Variants in GRAMD2B observed in about 807,000 individuals in gnomAD.
The protein encoded by GRAMD2B is GRAM domain-containing protein 2B.
GRAMD2B carries 41 observed loss-of-function variants against 59.2 expected under a neutral mutation model. That is an observed-to-expected ratio of 0.69 (90% confidence interval 0.54 to 0.90). The LOEUF (loss-of-function observed/expected upper bound fraction) is 0.90, where lower values mean the gene tolerates loss of function less well. Ranked by LOEUF, GRAMD2B falls within the 40% of genes least tolerant of loss-of-function variation. GRAMD2B has a pLI of 0.00. For missense variants in GRAMD2B, 424 were observed against 500.5 expected (o/e 0.85, Z 1.46); for synonymous variants, 161 against 182.7 (o/e 0.88, Z 0.96).
chr5:126,419,135 C>G (rs1436730627), upstream of GRAMD2B, among the ~76,000 whole-genome samples: 2 of 152,144 alleles, frequency 1.3e-5, no homozygotes, highest in Non-Finnish European at 2.9e-5. Context: ...TTAGTCGATT[C>G]TCACACTGCT....
At chr5:126,416,839 G>A (rs1759305391) in intron 1 of GRAMD2B, among the ~76,000 whole-genome samples, 1 of 152,094 alleles carries the variant, frequency 6.6e-6, no homozygotes, top group Non-Finnish European at 1.5e-5. Context: ...AAGCCTCCCT[G>A]ATCATCCCCT....
chr5:126,492,593 C>T (rs994257177), intron 13 of GRAMD2B, among the ~76,000 whole-genome samples: 1 of 152,010 alleles, frequency 6.6e-6, no homozygotes, highest in African/African-American at 2.4e-5. Flanking sequence ...TGATGGTGCA[C>T]GCCTGAAGTC....
chr5:126,395,898 C>A (rs753251717), intron 1 of GRAMD2B, among the ~76,000 whole-genome samples: 2 of 152,146 alleles, frequency 1.3e-5, no homozygotes, highest in Non-Finnish European at 2.9e-5. Context: ...GAAATGATTA[C>A]CACAATTGAG....
At chr5:126,465,720 C>T (rs886781100) in intron 2 of GRAMD2B, among the ~76,000 whole-genome samples, 175 bp downstream of exon 2, 1 of 152,172 alleles carries the variant, frequency 6.6e-6, no homozygotes, top group African/African-American at 2.4e-5. Context: ...TTTTCTCCCT[C>T]CTGCCCCAGC....
chr5:126,466,225 C>G (rs1768357333), intron 2 of GRAMD2B: 1 of 1,544,222 alleles, frequency 6.5e-7, no homozygotes, highest in Admixed American at 2.0e-5. Flanking sequence ...GAACTGCTAC[C>G]TTCTACTTCT....
chr5:126,381,927 G>T (rs1380569390), intron 1 of GRAMD2B, among the ~76,000 whole-genome samples: 1 of 152,086 alleles, frequency 6.6e-6, no homozygotes, highest in Non-Finnish European at 1.5e-5. Flanking sequence ...GTCTGAAAAA[G>T]TCTTTATCTT....
At position 126,477,721 on chromosome 5, in the gene GRAMD2B, A is replaced by T; in HGVS notation, c.516A>T (p.Leu172=). 1 of 1,610,390 alleles carries T rather than the reference A, an allele frequency of 6.2e-7. No individual in the cohort carries two copies. Among genetic ancestry groups the T allele is most frequent in the Non-Finnish European group, 8.5e-7 (1 of 1,176,654 alleles). Residue 172 remains leucine, a synonymous_variant, in exon 6 of 14, where the codon CTA becomes CTT. Coordinates refer to ENST00000285689, the MANE Select transcript of GRAMD2B (RefSeq NM_023927.4). Reference sequence around the variant, plus strand: ...CTATTCCAGCTTTCTCGGTAACCCTAATAAAGAAAACCAAAACTGCTCTTC... The same window carrying T: ...CTATTCCAGCTTTCTCGGTAACCCTTATAAAGAAAACCAAAACTGCTCTTC... The part of the protein sequence containing the change: ...KISIPAFSVT[L]IKKTKTALLV...
intron 1 of GRAMD2B, among the ~76,000 whole-genome samples, chr5:126,393,876 T>C (rs578143914): frequency 6.6e-6 from 1 of 152,120 alleles, no homozygotes; most frequent in Non-Finnish European, 1.5e-5. Context: ...AGGCCTTCCA[T>C]GAACCATCCT....
chr5:126,462,637 G>A (rs1399403476), intron 1 of GRAMD2B, among the ~76,000 whole-genome samples: 2 of 152,164 alleles, frequency 1.3e-5, no homozygotes, highest in East Asian at 3.9e-4. Flanking sequence ...GCTGAGTGCT[G>A]TGGAAAAAAA....
At chr5:126,492,225 G>A (rs530725198) in intron 13 of GRAMD2B, among the ~76,000 whole-genome samples, 1 of 150,860 alleles carries the variant, frequency 6.6e-6, no homozygotes, top group Admixed American at 6.6e-5. Context: ...ACATTATTAT[G>A]TGGGATTTTT....
At chr5:126,438,533 C>T (rs1762778547) in intron 1 of GRAMD2B, among the ~76,000 whole-genome samples, 1 of 152,118 alleles carries the variant, frequency 6.6e-6, no homozygotes, top group Non-Finnish European at 1.5e-5. Context: ...GAAGTCATGA[C>T]AAGGCCCCTT....
intron 1 of GRAMD2B, among the ~76,000 whole-genome samples, chr5:126,426,306 C>T (rs1030400724): frequency 6.6e-6 from 1 of 152,138 alleles, no homozygotes; most frequent in Non-Finnish European, 1.5e-5. Flanking sequence ...CCTCTCTCCT[C>T]TCTCTTCATC....
chr5:126,465,634 G>T, intron 2 of GRAMD2B, 89 bp downstream of exon 2: 1 of 1,164,782 alleles, frequency 8.6e-7, no homozygotes, highest in Non-Finnish European at 1.2e-6. Flanking sequence ...TTAAGAGTGA[G>T]GATGTATTAA....
At chr5:126,378,630 T>A (rs1755402136) in intron 1 of GRAMD2B, among the ~76,000 whole-genome samples, 1 of 152,174 alleles carries the variant, frequency 6.6e-6, no homozygotes, top group African/African-American at 2.4e-5. Context: ...ACACACTGTA[T>A]ACTTTGCAGC....
At chr5:126,370,031 G>A (rs891999625), upstream of GRAMD2B, among the ~76,000 whole-genome samples, 2 of 152,046 alleles carry the variant, frequency 1.3e-5, no homozygotes, top group African/African-American at 2.4e-5. Context: ...GCTCTGTCAA[G>A]GAAGGACAGG....
chr5:126,447,878 A>ATT (rs1561536888), intron 1 of GRAMD2B, among the ~76,000 whole-genome samples: 10 of 80,686 alleles, frequency 1.2e-4, no homozygotes, highest in African/African-American at 5.4e-4. Flanking sequence ...TTTTTTTTAA[A>ATT]AAATAGTCTC....
chr5:126,401,039 C>G (rs1757790966), intron 1 of GRAMD2B, among the ~76,000 whole-genome samples: 2 of 152,042 alleles, frequency 1.3e-5, no homozygotes, highest in Non-Finnish European at 2.9e-5. Context: ...TCCCATTTCT[C>G]TTTTCTTTCA....
Position 126,465,500 on chromosome 5 carries a change from CT to C in GRAMD2B, c.159del (p.Val54TrpfsTer25). 1.2e-5 allele frequency: 19 copies of C among 1,614,186 alleles called. No homozygotes were observed. Among genetic ancestry groups the C allele is most frequent in the Non-Finnish European group, 1.4e-5 (17 of 1,180,014 alleles). ...RSPTAQSPTP[S>X]VEADSPDQKK... is the part of the protein sequence containing the mutation. ...CCAACAGCCCAATCCCCTACCCCAT[CT>C]GTGGAGGCGGACTCCCCAGACCAGA... On this transcript the variant is annotated frameshift_variant, in exon 2 of 14. Coordinates refer to ENST00000285689, the MANE Select transcript of GRAMD2B (RefSeq NM_023927.4). LOFTEE classifies it high-confidence loss of function.
chr5:126,469,832 G>A (rs200304973), intron 3 of GRAMD2B, 44 bp downstream of exon 3: 2 of 1,407,614 alleles, frequency 1.4e-6, no homozygotes, highest in Non-Finnish European at 2.0e-6. Context: ...GGGTGACAGG[G>A]CTACTGAAGC....
Sources: allele counts gnomAD v4.1 joint callset (sites outside exome capture counted in the v4.1 genomes callset), GRCh38; gene constraint gnomAD v4.1.1; transcripts MANE v1.5; gene names NCBI Gene and HGNC (gene_info 2026-07-23, HGNC 2026-07-21).